The following AFF3 variants were observed in gnomAD, a reference collection of about 807,000 sequenced individuals.
The protein encoded by AFF3 is ALF transcription elongation factor 3.
Under a neutral mutation model 129.7 loss-of-function variants are expected in AFF3, and 32 were observed. That is an observed-to-expected ratio of 0.25 (90% CI 0.19 to 0.33). The LOEUF (loss-of-function observed/expected upper bound fraction) is 0.33, where lower values mean the gene tolerates loss of function less well. Ranked by LOEUF, AFF3 falls within the 10% of genes least tolerant of loss-of-function variation. The pLI, the probability that AFF3 is intolerant of heterozygous loss-of-function variation, is 1.00. For missense variants in AFF3, 1,373 were observed against 1,592.0 expected (o/e 0.86, Z 2.34); for synonymous variants, 644 against 635.4 (o/e 1.01, Z -0.20).
chr2:99,878,475 G>A (rs1204373376), intron 7 of AFF3, among the ~76,000 whole-genome samples: 2 of 152,140 alleles, frequency 1.3e-5, no homozygotes, highest in Non-Finnish European at 2.9e-5. Flanking sequence ...TTAACTCAAA[G>A]TCTCATGATT....
intron 4 of AFF3, among the ~76,000 whole-genome samples, chr2:100,101,395 G>A (rs1425301015): frequency 6.7e-6 from 1 of 148,500 alleles, no homozygotes; most frequent in African/African-American, 2.5e-5. Flanking sequence ...AGTTCTTAGG[G>A]ATTAAGATTC....
In AFF3 at chr2:99,713,589, C is replaced by A. The variant is rs533271703; in HGVS notation, c.1091+13488G>T. Among the ~76,000 whole-genome samples the A allele has an allele frequency of 4.0e-5, 6 of 151,468 alleles. No individual in the cohort carries two copies. The South Asian group carries it at 1.0e-3, about 26-fold the overall frequency. On this transcript the variant is annotated intron_variant, in intron 11 of 24. Coordinates refer to ENST00000672756, the MANE Select transcript of AFF3 (RefSeq NM_001386135.1). Reference sequence around the variant, plus strand: ...ATTAAATTAAAAAATATTTGAGGAACCTTGACCTAGATAACCCCCCGAGGA... The same window carrying A: ...ATTAAATTAAAAAATATTTGAGGAAACTTGACCTAGATAACCCCCCGAGGA...
At chr2:100,039,350 G>A (rs1233057740) in intron 4 of AFF3, among the ~76,000 whole-genome samples, 1 of 152,144 alleles carries the variant, frequency 6.6e-6, no homozygotes, top group Non-Finnish European at 1.5e-5. Context: ...CTTGAGCCTA[G>A]GTGGTCGAGA....
At chr2:99,958,948 T>TA (rs1676941088) in intron 7 of AFF3, among the ~76,000 whole-genome samples, 1 of 151,710 alleles carries the variant, frequency 6.6e-6, no homozygotes, top group Admixed American at 6.6e-5. Context: ...CCCATCTCTA[T>TA]AAAAAATACA....
chr2:100,005,517 G>A (rs1015523944), intron 7 of AFF3, among the ~76,000 whole-genome samples: 21 of 152,150 alleles, frequency 1.4e-4, no homozygotes, highest in South Asian at 4.1e-4. Flanking sequence ...TGGTACCTAC[G>A]TGTGTCTCCT....
At chr2:99,654,279 AAGAAG>A (rs1468629300) in intron 12 of AFF3, among the ~76,000 whole-genome samples, 1 of 152,262 alleles carries the variant, frequency 6.6e-6, no homozygotes. Context: ...TCTATTATGA[AAGAAG>A]AGGAGTATAT....
intron 13 of AFF3, among the ~76,000 whole-genome samples, chr2:99,637,042 G>A (rs1424717643): frequency 6.6e-6 from 1 of 152,122 alleles, no homozygotes; most frequent in East Asian, 1.9e-4. Context: ...GTCAGGGTGG[G>A]ACTGTTCCAG....
chr2:99,586,042 T>C (rs1200627492), intron 16 of AFF3, among the ~76,000 whole-genome samples: 4 of 152,228 alleles, frequency 2.6e-5, no homozygotes, highest in African/African-American at 7.2e-5. Flanking sequence ...TCACAGCTAT[T>C]TTCATATCAT....
intron 8 of AFF3, among the ~76,000 whole-genome samples, chr2:99,836,179 A>T (rs1289462634): frequency 6.6e-6 from 1 of 152,220 alleles, no homozygotes; most frequent in African/African-American, 2.4e-5. Context: ...GAAACCAAAG[A>T]GGGGATTGGT....
In AFF3 at chr2:100,007,239, T is replaced by C; in HGVS notation, c.396A>G (p.Thr132=). ...TCTGCTGCACGGGGACAGCTGCTGG[T>C]GTGGAAGTTGTAGTGCTACAGATAG... ...PSSICSTTTS[T]PAAVPVQQSK... Residue 132 remains threonine (T), a synonymous_variant, in exon 6 of 25, where the codon ACA becomes ACG. Coordinates refer to ENST00000672756, the MANE Select transcript of AFF3 (RefSeq NM_001386135.1). 6.2e-7 allele frequency: 1 copy of C among 1,614,098 alleles called. No individual in the cohort carries two copies.
chr2:99,869,777 CA>C (rs1321840406), intron 7 of AFF3, among the ~76,000 whole-genome samples: 8 of 152,066 alleles, frequency 5.3e-5, no homozygotes, highest in Non-Finnish European at 1.2e-4. Context: ...GGGGGAGATT[CA>C]GGGGGAAAAG....
chr2:99,625,090 C>A (rs1682416582), intron 13 of AFF3, among the ~76,000 whole-genome samples: 1 of 152,204 alleles, frequency 6.6e-6, no homozygotes, highest in African/African-American at 2.4e-5. Flanking sequence ...TTCAAGGAAG[C>A]TTTCTTGAAG....
At chr2:99,671,951 T>TCAA (rs1327167046) in intron 12 of AFF3, among the ~76,000 whole-genome samples, 1 of 152,138 alleles carries the variant, frequency 6.6e-6, no homozygotes, top group Non-Finnish European at 1.5e-5. Context: ...AGCTGATAAA[T>TCAA]CAACACCAGG....
chr2:100,007,227 G>C lies in AFF3; in HGVS notation c.408C>G (p.Val136=), dbSNP rs776276060. Residue 136 remains valine, a synonymous_variant, in exon 6 of 25, where the codon GTC becomes GTG. Transcript: ENST00000672756. ...TGCCTCTCTTACTCTGCTGCACGGG[G>C]ACAGCTGCTGGTGTGGAAGTTGTAG... ...CSTTTSTPAA[V]PVQQSKRGTM... The C allele has an allele frequency of 6.2e-7, 1 of 1,614,170 alleles. No individual in the cohort carries two copies. The highest frequency in any genetic ancestry group is 1.7e-5 in the Admixed American group (1 of 60,016).
At chr2:99,944,647 G>A (rs1675386816) in intron 7 of AFF3, among the ~76,000 whole-genome samples, 1 of 152,018 alleles carries the variant, frequency 6.6e-6, no homozygotes, top group East Asian at 1.9e-4. Context: ...TAATTCCTTA[G>A]TACTCACACA....
At chr2:99,635,999 C>T (rs547387201) in intron 13 of AFF3, among the ~76,000 whole-genome samples, 12 of 152,292 alleles carry the variant, frequency 7.9e-5, no homozygotes, top group Admixed American at 1.3e-4. Flanking sequence ...CCAACAACAG[C>T]GAAGGCCATG....
At chr2:100,044,986 C>A (rs1164873576) in intron 4 of AFF3, among the ~76,000 whole-genome samples, 1 of 152,146 alleles carries the variant, frequency 6.6e-6, no homozygotes, top group East Asian at 1.9e-4. Flanking sequence ...AGACGGCAAT[C>A]TGCTTTGGGA....
At chr2:99,728,058 G>A (rs1213060576) in intron 10 of AFF3, among the ~76,000 whole-genome samples, 1 of 152,194 alleles carries the variant, frequency 6.6e-6, no homozygotes, top group Non-Finnish European at 1.5e-5. Context: ...TGATCACTGA[G>A]GAATTAACGA....
At chr2:99,959,190 T>C (rs1375723827) in intron 7 of AFF3, among the ~76,000 whole-genome samples, 3 of 152,070 alleles carry the variant, frequency 2.0e-5, no homozygotes, top group Non-Finnish European at 4.4e-5. Flanking sequence ...AGCAATTTAA[T>C]CAGCTTCCTT....
Sources: gnomAD v4.1 joint callset for allele counts (sites outside exome capture counted in the v4.1 genomes callset) on GRCh38, gnomAD v4.1.1 for gene constraint, MANE v1.5 for transcripts, NCBI Gene and HGNC (gene_info 2026-07-23, HGNC 2026-07-21) for gene names.